Variants in PICALM observed in about 807,000 individuals in gnomAD.
PICALM encodes the protein phosphatidylinositol binding clathrin assembly protein.
In PICALM, 40 loss-of-function variants were observed where a neutral mutation model predicts 80.5. The observed-to-expected ratio is 0.50, with a 90% CI of 0.39 to 0.65. The LOEUF is 0.65. Ranked by LOEUF, PICALM falls within the 30% of genes least tolerant of loss-of-function variation. The pLI, the probability that PICALM is intolerant of heterozygous loss-of-function variation, is 0.00. For missense variants in PICALM, 676 were observed against 778.9 expected (o/e 0.87, Z 1.57); for synonymous variants, 288 against 260.3 (o/e 1.11, Z -1.02).
chr11:85,983,782 C>A, intron 14 of PICALM, 84 bp downstream of exon 14: 1 of 616,438 alleles, frequency 1.6e-6, no homozygotes, highest in South Asian at 2.4e-5. Flanking sequence ...TATATCTAAA[C>A]ATTTTAAAAG....
At chr11:86,035,475 C>A (rs2095824903) in intron 1 of PICALM, among the ~76,000 whole-genome samples, 1 of 152,146 alleles carries the variant, frequency 6.6e-6, no homozygotes, top group African/African-American at 2.4e-5. Context: ...TGGCCTAAAC[C>A]AGTATTTGTT....
chr11:85,966,037 G>C (rs554072630), intron 19 of PICALM, among the ~76,000 whole-genome samples: 3 of 151,702 alleles, frequency 2.0e-5, no homozygotes, highest in African/African-American at 7.3e-5. Flanking sequence ...GCCTGGTTTC[G>C]AACTCTTGAC....
rs377755641 is a variant in PICALM at position 86,010,329 on chromosome 11, C to CT, written c.765+700dup. ...ATCCATTTCTGTCGGGGAACAAAAG[C>CT]TTTTTTTTTTTTTTTGAGATAGAGT... is the stretch of plus-strand genomic sequence containing the variant. On this transcript the variant is annotated intron_variant, in intron 7 of 19. Coordinates refer to ENST00000393346, the MANE Select transcript of PICALM (RefSeq NM_007166.4). Among the ~76,000 whole-genome samples the CT allele has an allele frequency of 9.1e-3, 1,279 of 141,006 alleles. 10 individuals are homozygous for CT. Among genetic ancestry groups the CT allele is most frequent in the East Asian group, 0.056 (274 of 4,864 alleles). 92.5% of individuals were successfully genotyped at this position (141,006 alleles called of 152,430 possible). A position where few individuals can be genotyped will look rare whatever the true frequency, so the allele number is the denominator to read the frequency against.
chr11:86,000,776 G>T lies in PICALM; in HGVS notation c.1021C>A (p.Gln341Lys), dbSNP rs1254784447. The change falls in exon 11 of 20, where the codon CAG (glutamine) becomes AAG (lysine). Residue 341 changes from glutamine (Q) to lysine (K), a missense_variant. By Grantham distance (53) the Gln-to-Lys change is moderately conservative (BLOSUM62 1). Coordinates refer to ENST00000393346, the MANE Select transcript of PICALM (RefSeq NM_007166.4). ...EQARLKALKE[Q>K]RLKELAKKPH... ...TTCTTTGCAAGTTCTTTTAGGCGCT[G>T]TTCCTGTTAAGAAAGGGAACTACCA... The T allele has an allele frequency of 6.2e-7, 1 of 1,612,374 alleles. No individual in the cohort carries two copies. Among genetic ancestry groups the T allele is most frequent in the South Asian group, 1.1e-5 (1 of 90,832 alleles).
In PICALM at chr11:86,012,378, T is replaced by C. The variant is rs1300270545; in HGVS notation, c.561A>G (p.Glu187=). The part of the protein sequence containing the change: ...ALLDFNVNSN[E]LTNGVINAAF... ...CAGCATTTATTACCCCATTTGTAAG[T>C]TCATTGCTATTAACCTAGGGAAAAA... Residue 187 remains glutamate (E), a synonymous_variant, in exon 6 of 20, where the codon GAA becomes GAG. Coordinates refer to ENST00000393346, the MANE Select transcript of PICALM (RefSeq NM_007166.4). The C allele has an allele frequency of 6.3e-7, 1 of 1,598,284 alleles. No homozygotes were observed. The highest frequency in any genetic ancestry group is 1.7e-5 in the Admixed American group (1 of 59,678).
rs1344055906 is a variant in PICALM, at chr11:85,982,355, G to A, written c.1517-352C>T. Among the ~76,000 whole-genome samples the A allele has an allele frequency of 1.1e-4, 16 of 150,544 alleles. No homozygotes were observed. The East Asian group carries it at 2.9e-3, about 27-fold the overall frequency. ...ACTCACTTATATCTAAAGCAATATA[G>A]GTTAAAAAATAGCTCTCTGGAACTT... is the stretch of plus-strand genomic sequence containing the variant. On this transcript the variant is annotated intron_variant, in intron 14 of 19. Coordinates refer to ENST00000393346, the MANE Select transcript of PICALM (RefSeq NM_007166.4).
At chr11:86,062,658 T>C (rs2137744143) in intron 1 of PICALM, among the ~76,000 whole-genome samples, 1 of 152,310 alleles carries the variant, frequency 6.6e-6, no homozygotes, top group Middle Eastern at 3.4e-3. Context: ...GAGAAATCCT[T>C]CATTTTCTGA....
chr11:86,068,257 GAGACGCTCAGACGAGGGCGACGAGGC>G (rs2096474590), intron 1 of PICALM, among the ~76,000 whole-genome samples: 2 of 152,214 alleles, frequency 1.3e-5, no homozygotes, highest in African/African-American at 4.8e-5. Flanking sequence ...ATGGGGCTTG[GAGACGCTCAGACGAGGGCGACGAGGC>G]GGCACCGGAC....
At chr11:86,022,728 T>C (rs1306682031) in intron 3 of PICALM, among the ~76,000 whole-genome samples, 1 of 152,060 alleles carries the variant, frequency 6.6e-6, no homozygotes, top group African/African-American at 2.4e-5. Context: ...AACTTCACTA[T>C]TCTCTCAATA....
At position 86,068,638 on chromosome 11, in the gene PICALM, C is replaced by A; in HGVS notation, c.130+13G>T. 6.3e-7 allele frequency: 1 copy of A among 1,596,608 alleles called. No individual in the cohort carries two copies. The highest frequency in any genetic ancestry group is 1.1e-5 in the South Asian group (1 of 89,386). The stretch of plus-strand genomic sequence containing the variant: ...GGCGCCGGGGAGCGGGGGCCGCGGT[C>A]GGCTTCACTCACAGTCCAGGTGCTT... On this transcript the variant is annotated intron_variant, in intron 1 of 19. Coordinates refer to ENST00000393346, the MANE Select transcript of PICALM (RefSeq NM_007166.4).
intron 14 of PICALM, chr11:85,982,330 A>T (rs1156888678): frequency 2.8e-5 from 6 of 214,674 alleles, no homozygotes; most frequent in Non-Finnish European, 4.8e-5. Flanking sequence ...TTTTCTGAAG[A>T]CTCACTTATA....
intron 19 of PICALM, among the ~76,000 whole-genome samples, chr11:85,970,402 C>T (rs956436535): frequency 6.6e-6 from 1 of 152,130 alleles, no homozygotes; most frequent in Non-Finnish European, 1.5e-5. Context: ...AGCATGGAAT[C>T]GAAGAACTTG....
intron 9 of PICALM, among the ~76,000 whole-genome samples, chr11:86,002,726 T>C (rs1233004726): frequency 6.6e-6 from 1 of 152,076 alleles, no homozygotes; most frequent in African/African-American, 2.4e-5. Flanking sequence ...TATCTTGCAA[T>C]TATAGGCCTG....
chr11:86,043,224 G>C (rs1223357656), intron 1 of PICALM, among the ~76,000 whole-genome samples: 1 of 152,150 alleles, frequency 6.6e-6, no homozygotes, highest in African/African-American at 2.4e-5. Context: ...CCTTTTATGA[G>C]TGCTATATTC....
chr11:85,991,637 T>C (rs181575382), intron 12 of PICALM, among the ~76,000 whole-genome samples: 1 of 152,022 alleles, frequency 6.6e-6, no homozygotes, highest in African/African-American at 2.4e-5. Context: ...CTTTTCTATA[T>C]AGTATTCTTA....
chr11:86,039,995 C>T (rs1300194702), intron 1 of PICALM, among the ~76,000 whole-genome samples: 5 of 129,560 alleles, frequency 3.9e-5, no homozygotes, highest in African/African-American at 1.2e-4. Flanking sequence ...CAGAGCATGA[C>T]GCCGTCTCAA....
intron 11 of PICALM, among the ~76,000 whole-genome samples, chr11:85,997,509 C>T (rs1193774661): frequency 1.3e-5 from 2 of 152,166 alleles, no homozygotes; most frequent in African/African-American, 4.8e-5. Flanking sequence ...CTCGCTCTGT[C>T]GCCCAGGATG....
intron 10 of PICALM, 50 bp downstream of exon 10, chr11:86,000,985 A>G: frequency 1.2e-6 from 2 of 1,604,650 alleles, no homozygotes; most frequent in Non-Finnish European, 1.7e-6. Flanking sequence ...CCATTTACCT[A>G]ATGAACACCT....
intron 5 of PICALM, among the ~76,000 whole-genome samples, chr11:86,013,061 T>C (rs2095424682): frequency 6.6e-6 from 1 of 152,078 alleles, no homozygotes; most frequent in Non-Finnish European, 1.5e-5. Context: ...CAGCACTTTG[T>C]GAGGCCGAGG....
Sources: gnomAD v4.1 joint callset for allele counts (sites outside exome capture counted in the v4.1 genomes callset) on GRCh38, gnomAD v4.1.1 for gene constraint, MANE v1.5 for transcripts, NCBI Gene and HGNC (gene_info 2026-07-23, HGNC 2026-07-21) for gene names.